INTS9: variants seen among roughly 807,000 people sequenced by gnomAD.
The protein encoded by INTS9 is protein related to CPSF subunits of 74 kDa.
In INTS9, 55 loss-of-function variants were observed where a neutral mutation model predicts 79.7. The ratio of observed to expected loss-of-function variants is 0.69; its 90% CI spans 0.56 to 0.86. INTS9 has a LOEUF of 0.86. INTS9 is among the 40% of genes least tolerant of loss of function. The pLI is 0.00. For missense variants in INTS9, 721 were observed against 831.5 expected, an observed-to-expected ratio of 0.87 and a Z score of 1.64; for synonymous variants, 319 against 325.2, an observed-to-expected ratio of 0.98 and a Z score of 0.20.
chr8:28,776,433 T>TTTG (rs1437799668), intron 13 of INTS9, among the ~76,000 whole-genome samples: 4 of 98,894 alleles, frequency 4.0e-5, no homozygotes, highest in Non-Finnish European at 6.5e-5. Flanking sequence ...CAGAGTTTTT[T>TTTG]TTTTTTGTTT....
chr8:28,775,716 T>C (rs993238521), intron 14 of INTS9, 43 bp downstream of exon 14: 3 of 1,596,236 alleles, frequency 1.9e-6, no homozygotes, highest in Non-Finnish European at 2.6e-6. Flanking sequence ...CAAGAGCCTC[T>C]GTGGAAAGCT....
At chr8:28,841,495 A>G (rs1157610913) in intron 4 of INTS9, among the ~76,000 whole-genome samples, 1 of 152,216 alleles carries the variant, frequency 6.6e-6, no homozygotes, top group Admixed American at 6.5e-5. Flanking sequence ...TATAAAAAAT[A>G]AAAAATTATT....
At chr8:28,836,844 A>G (rs141947542) in intron 5 of INTS9, among the ~76,000 whole-genome samples, 4 of 152,364 alleles carry the variant, frequency 2.6e-5, no homozygotes, top group African/African-American at 9.6e-5. Flanking sequence ...AAGAAAACAC[A>G]TTATTTCATC....
Position 28,850,213 on chromosome 8 carries a change from C to T in INTS9, c.198G>A (p.Lys66=). The change falls in exon 3 of 17, where the codon AAG becomes AAA. Residue 66 remains lysine (K), a splice_region_variant and synonymous_variant. Coordinates refer to ENST00000521022, the MANE Select transcript of INTS9 (RefSeq NM_018250.4). ...SLKDGNAFLD[K]ELKECSGHVF... is the part of the protein sequence containing the mutation. The stretch of plus-strand genomic sequence containing the variant: ...TTTAGTTTGTAGTCTTAGATATTAC[C>T]TTGTCCAAGAAAGCATTTCCATCCT... The T allele has an allele frequency of 6.2e-7, 1 of 1,612,742 alleles. No individual in the cohort carries two copies. Among genetic ancestry groups the T allele is most frequent in the Non-Finnish European group, 8.5e-7 (1 of 1,178,858 alleles).
At chr8:28,786,121 G>C (rs1452140877) in intron 11 of INTS9, among the ~76,000 whole-genome samples, 2 of 151,936 alleles carry the variant, frequency 1.3e-5, no homozygotes, top group African/African-American at 4.8e-5. Flanking sequence ...TTTTATATCT[G>C]GATCTTTCAC....
chr8:28,862,075 C>G, intron 1 of INTS9: 6 of 985,458 alleles, frequency 6.1e-6, no homozygotes, highest in Non-Finnish European at 6.0e-6. Flanking sequence ...CACAGAGTGG[C>G]TGCCTGAGGT....
At chr8:28,870,156 G>C (rs754830992) in intron 1 of INTS9, among the ~76,000 whole-genome samples, 3 of 151,972 alleles carry the variant, frequency 2.0e-5, no homozygotes, top group Non-Finnish European at 4.4e-5. Flanking sequence ...ATATGTGACT[G>C]TTTGTTACAT....
chr8:28,832,949 C>A (rs1342356444), intron 6 of INTS9, among the ~76,000 whole-genome samples: 2 of 151,108 alleles, frequency 1.3e-5, no homozygotes, highest in Non-Finnish European at 1.5e-5. Context: ...GGAGACAGAG[C>A]GAAACTCCAT....
At chr8:28,810,680 T>C (rs1805063540) in intron 8 of INTS9, among the ~76,000 whole-genome samples, 2 of 152,274 alleles carry the variant, frequency 1.3e-5, no homozygotes, top group South Asian at 4.2e-4. Context: ...CTAATGTATC[T>C]ATATACCCAT....
At chr8:28,865,715 T>C (rs368452861) in intron 1 of INTS9, among the ~76,000 whole-genome samples, 1 of 152,182 alleles carries the variant, frequency 6.6e-6, no homozygotes, top group South Asian at 2.1e-4. Context: ...TTGTTGTTGG[T>C]GCTCTGATTT....
chr8:28,867,531 T>TAA lies in INTS9; in HGVS notation c.10-7970_10-7969dup, dbSNP rs766435433. 9.5e-4 allele frequency among the ~76,000 whole-genome samples: 111 copies of TAA among 117,438 alleles called. No individual in the cohort carries two copies. In the Middle Eastern group the frequency reaches 0.015, roughly 16 times the overall value. 77.0% of individuals were successfully genotyped at this position (117,438 alleles called of 152,430 possible). A position where few individuals can be genotyped will look rare whatever the true frequency, so the allele number is the denominator to read the frequency against. ...GGCACAGGTTGCAGTGAGCTGAGAT[T>TAA]AAAAAAAAAAAAAAAAAGGCTATAC... On this transcript the variant is annotated intron_variant, in intron 1 of 16. Coordinates refer to ENST00000521022, the MANE Select transcript of INTS9 (RefSeq NM_018250.4).
At chr8:28,805,009 A>AT (rs764318942) in intron 8 of INTS9, among the ~76,000 whole-genome samples, 5 of 152,224 alleles carry the variant, frequency 3.3e-5, no homozygotes, top group Non-Finnish European at 7.3e-5. Flanking sequence ...GTCAGTATCT[A>AT]TAATACTAGA....
intron 11 of INTS9, among the ~76,000 whole-genome samples, chr8:28,785,586 T>A (rs1228334909): frequency 6.6e-6 from 1 of 152,224 alleles, no homozygotes; most frequent in Non-Finnish European, 1.5e-5. Context: ...TCTCTGAGCA[T>A]ACAGCAAGAT....
chr8:28,852,294 CTT>C (rs3054476), intron 2 of INTS9, among the ~76,000 whole-genome samples: 66,818 of 146,086 alleles, frequency 0.46, 16,350 homozygotes, highest in Non-Finnish European at 0.56. Context: ...CTGATAAACT[CTT>C]TTTTTTTTTT....
chr8:28,803,392 A>C (rs1156945573), intron 8 of INTS9, among the ~76,000 whole-genome samples: 6 of 152,240 alleles, frequency 3.9e-5, no homozygotes, highest in Admixed American at 1.3e-4. Context: ...TTCAATAATC[A>C]AAAGTGCTTG....
intron 6 of INTS9, among the ~76,000 whole-genome samples, chr8:28,819,064 T>TAGCA (rs1350493670): frequency 6.6e-6 from 1 of 152,214 alleles, no homozygotes; most frequent in African/African-American, 2.4e-5. Flanking sequence ...TTAGTCTTGC[T>TAGCA]AGCAGTCTAT....
chr8:28,822,871 C>T (rs1276074293), intron 6 of INTS9, among the ~76,000 whole-genome samples: 1 of 152,036 alleles, frequency 6.6e-6, no homozygotes, highest in African/African-American at 2.4e-5. Flanking sequence ...CCACACACTT[C>T]CCACACACTC....
At chr8:28,875,396 T>G (rs1809327148) in intron 1 of INTS9, among the ~76,000 whole-genome samples, 1 of 152,212 alleles carries the variant, frequency 6.6e-6, no homozygotes, top group Non-Finnish European at 1.5e-5. Context: ...CACATAACAC[T>G]CCTTCTTGAA....
intron 6 of INTS9, among the ~76,000 whole-genome samples, chr8:28,815,259 G>C (rs1332963131): frequency 1.3e-5 from 2 of 152,020 alleles, no homozygotes; most frequent in African/African-American, 4.8e-5. Flanking sequence ...CATATAGAGA[G>C]TGAAAGCATG....
Sources: allele counts gnomAD v4.1 joint callset (sites outside exome capture counted in the v4.1 genomes callset), GRCh38; gene constraint gnomAD v4.1.1; transcripts MANE v1.5; gene names NCBI Gene and HGNC (gene_info 2026-07-23, HGNC 2026-07-21).